Variants in USP45 observed in about 807,000 individuals in gnomAD.
USP45 encodes ubiquitin carboxyl-terminal hydrolase 45.
Under a neutral mutation model 95.8 loss-of-function variants are expected in USP45, and 89 were observed. That is an observed-to-expected ratio of 0.93 (90% CI 0.78 to 1.11). The LOEUF is 1.11. USP45 is among the 50% of genes least tolerant of loss of function. The probability of loss-of-function intolerance (pLI) is 0.00; values close to 1 mark genes in which losing one functional copy is unlikely to be tolerated. For missense variants in USP45, 898 were observed against 942.5 expected, an observed-to-expected ratio of 0.95 and a Z score of 0.62; for synonymous variants, 281 against 316.2, an observed-to-expected ratio of 0.89 and a Z score of 1.18.
intron 14 of USP45, 114 bp from the exon 15 acceptor site, chr6:99,443,776 T>G: frequency 1.5e-6 from 1 of 679,324 alleles, no homozygotes; most frequent in Non-Finnish European, 2.3e-6. Context: ...TTAAAGAAAT[T>G]GGACTTCTGA....
At chr6:99,500,451 T>A in intron 5 of USP45, among the ~76,000 whole-genome samples, 1 of 152,114 alleles carries the variant, frequency 6.6e-6, no homozygotes, top group East Asian at 1.9e-4. Flanking sequence ...CATCATACCG[T>A]CCATGCTCCC....
intron 5 of USP45, among the ~76,000 whole-genome samples, chr6:99,497,922 G>C (rs1216825419): frequency 6.6e-6 from 1 of 152,130 alleles, no homozygotes; most frequent in Non-Finnish European, 1.5e-5. Flanking sequence ...TTTTTGCCCA[G>C]ATAATTTCTA....
intron 9 of USP45, among the ~76,000 whole-genome samples, chr6:99,474,537 C>T (rs1790324163): frequency 1.3e-5 from 2 of 152,178 alleles, no homozygotes; most frequent in South Asian, 4.1e-4. Flanking sequence ...TTGCCTAGCA[C>T]TACTTATCAC....
At chr6:99,479,110 G>A (rs1192399124) in intron 8 of USP45, among the ~76,000 whole-genome samples, 1 of 151,770 alleles carries the variant, frequency 6.6e-6, no homozygotes, top group Non-Finnish European at 1.5e-5. Context: ...AAAACTTTGG[G>A]GGGTGATGGA....
intron 1 of USP45, among the ~76,000 whole-genome samples, chr6:99,510,879 T>C (rs1169281206): frequency 6.6e-6 from 1 of 152,152 alleles, no homozygotes; most frequent in East Asian, 1.9e-4. Context: ...TTCTGGATAA[T>C]GAGTTCTCTT....
chr6:99,515,171 G>C (rs1044621624), intron 1 of USP45: 4 of 152,294 alleles, frequency 2.6e-5, no homozygotes, highest in Non-Finnish European at 4.4e-5. Context: ...CGACGCCCAG[G>C]GCTTCTCCCG....
chr6:99,448,669 C>T (rs1783098628), intron 13 of USP45, among the ~76,000 whole-genome samples: 1 of 152,114 alleles, frequency 6.6e-6, no homozygotes, highest in African/African-American at 2.4e-5. Context: ...TCAGCAAATA[C>T]AGAAAACGCC....
At chr6:99,497,473 G>A (rs1443321499) in intron 5 of USP45, among the ~76,000 whole-genome samples, 1 of 152,056 alleles carries the variant, frequency 6.6e-6, no homozygotes, top group Non-Finnish European at 1.5e-5. Context: ...AGACAACTTG[G>A]TGCCCCACAA....
chr6:99,468,597 T>G lies in USP45; in HGVS notation c.955A>C (p.Lys319Gln), dbSNP rs1407070012. The G allele has an allele frequency of 1.9e-6, 3 of 1,607,924 alleles. No homozygotes were observed. The African/African-American group carries it at 4.0e-5, about 21-fold the overall frequency. The change falls in exon 10 of 18, where the codon AAA becomes CAA. Residue 319 changes from lysine to glutamine, a missense_variant. By Grantham distance (53) the Lys-to-Gln change is moderately conservative. Coordinates refer to ENST00000500704, the MANE Select transcript of USP45 (RefSeq NM_001346022.3). ...ETKRIQASILKAFNNPTTKTA... is the reference protein window; with the variant it reads ...ETKRIQASILQAFNNPTTKTA... ...TTAGTAGTTGGGTTGTTAAATGCTT[T>G]TAGAATGCTAGCTTGTATTCGCTGT...
At chr6:99,507,397 T>C (rs763900175) in intron 4 of USP45, 31 bp downstream of exon 4, 1 of 1,408,498 alleles carries the variant, frequency 7.1e-7, no homozygotes. Flanking sequence ...CTGTGGTTAG[T>C]GGACACAAGA....
chr6:99,493,413 G>T (rs1252429845), intron 5 of USP45, among the ~76,000 whole-genome samples: 1 of 152,220 alleles, frequency 6.6e-6, no homozygotes, highest in African/African-American at 2.4e-5. Flanking sequence ...CTAAGAAGCT[G>T]TCAACTGAGA....
At chr6:99,455,479 AAC>A (rs1277720447) in intron 13 of USP45, among the ~76,000 whole-genome samples, 6 of 140,942 alleles carry the variant, frequency 4.3e-5, no homozygotes, top group African/African-American at 1.3e-4. Flanking sequence ...CAACAACAAC[AAC>A]AAACTAAAAT....
intron 13 of USP45, among the ~76,000 whole-genome samples, chr6:99,450,080 A>G (rs1168371225): frequency 1.3e-5 from 2 of 152,224 alleles, no homozygotes; most frequent in Non-Finnish European, 2.9e-5. Context: ...AGAAAGCAGG[A>G]AAGATCTAAA....
In USP45 at chr6:99,435,782, C is replaced by G. The variant is rs1272645339; in HGVS notation, c.2379G>C (p.Gln793His). The G allele has an allele frequency of 6.2e-7, 1 of 1,613,700 alleles. No homozygotes were observed. Among genetic ancestry groups the G allele is most frequent in the Admixed American group, 1.7e-5 (1 of 60,008 alleles). The change falls in exon 18 of 18, where the codon CAG (glutamine) becomes CAC (histidine). Residue 793 changes from glutamine to histidine, a missense_variant. Physicochemically the swap from Gln to His is conservative, Grantham distance 24. Coordinates refer to ENST00000500704, the MANE Select transcript of USP45 (RefSeq NM_001346022.3). Reference sequence around the variant, plus strand: ...TAAGTGCTCTTGATTCTGGAACCACCTGTAAGTAAGTGTCACTAACATGGA... The same window carrying G: ...TAAGTGCTCTTGATTCTGGAACCACGTGTAAGTAAGTGTCACTAACATGGA... ...QWVHVSDTYL[Q>H]VVPESRALSA...
Position 99,485,175 on chromosome 6 carries a change from C to CAAAA in USP45, c.715-2296_715-2293dup, listed in dbSNP as rs1190400783. 7.4e-3 allele frequency among the ~76,000 whole-genome samples: 654 copies of CAAAA among 88,672 alleles called. 14 individuals carry two copies. Among genetic ancestry groups the CAAAA allele is most frequent in the South Asian group, 0.038 (102 of 2,718 alleles). The allele number at this position is 88,672 out of a possible 152,430, so 58.2% of individuals were successfully genotyped here. ...CAAAACCCTGTCTCCACTAAAAATA[C>CAAAA]AAAAAAAAAAAAAAAAAAAATTAGC... On this transcript the variant is annotated intron_variant, in intron 7 of 17. Transcript: ENST00000500704.
intron 5 of USP45, among the ~76,000 whole-genome samples, chr6:99,491,121 T>C (rs918402528): frequency 6.6e-6 from 1 of 152,162 alleles, no homozygotes; most frequent in Non-Finnish European, 1.5e-5. Context: ...TAGGTCTCTT[T>C]TCCTGTCCTC....
At chr6:99,453,173 G>GAAAAAAAAAAAAAA (rs35773193) in intron 13 of USP45, among the ~76,000 whole-genome samples, 2 of 140,704 alleles carry the variant, frequency 1.4e-5, no homozygotes, top group Non-Finnish European at 1.5e-5. Context: ...ACTTAAAAAA[G>GAAAAAAAAAAAAAA]AAAAAAAAAA....
chr6:99,483,084 T>C (rs965640614), intron 7 of USP45, among the ~76,000 whole-genome samples: 3 of 152,212 alleles, frequency 2.0e-5, no homozygotes, highest in African/African-American at 7.2e-5. Context: ...TTTCATATCC[T>C]CTGCCCTTTG....
intron 1 of USP45, among the ~76,000 whole-genome samples, chr6:99,513,942 A>T (rs968943717): frequency 6.6e-6 from 1 of 152,212 alleles, no homozygotes; most frequent in African/African-American, 2.4e-5. Context: ...GAAATTGCTT[A>T]ATGGACACAA....
Sources: allele counts gnomAD v4.1 joint callset (sites outside exome capture counted in the v4.1 genomes callset), GRCh38; gene constraint gnomAD v4.1.1; transcripts MANE v1.5; gene names NCBI Gene and HGNC (gene_info 2026-07-23, HGNC 2026-07-21).